The following ETFA variants were observed in gnomAD, a reference collection of about 807,000 sequenced individuals.
The protein encoded by ETFA is electron transfer flavoprotein subunit alpha, mitochondrial.
In ETFA, 22 loss-of-function variants were observed where a neutral mutation model predicts 46.2. That is an observed-to-expected ratio of 0.48 (90% confidence interval 0.34 to 0.68). ETFA has a LOEUF of 0.68. Among genes scored for constraint, ETFA ranks in the 30% least tolerant of loss-of-function variants. The pLI is 0.01. For synonymous variants in ETFA, 131 were observed against 139.9 expected, an observed-to-expected ratio of 0.94 and a Z score of 0.45; for missense variants, 345 against 401.1, an observed-to-expected ratio of 0.86 and a Z score of 1.19.
chr15:76,242,720 C>G (rs1393121050), intron 9 of ETFA, among the ~76,000 whole-genome samples: 4 of 152,066 alleles, frequency 2.6e-5, no homozygotes, highest in Non-Finnish European at 5.9e-5. Flanking sequence ...GAATTAAGTT[C>G]TGATACATGA....
intron 9 of ETFA, among the ~76,000 whole-genome samples, chr15:76,264,600 C>T (rs2039451714): frequency 6.6e-6 from 1 of 152,184 alleles, no homozygotes; most frequent in Non-Finnish European, 1.5e-5. Context: ...TAAAACAGCT[C>T]AGGATGTTAT....
In ETFA at chr15:76,292,645, T is replaced by G. The variant is rs972293793; in HGVS notation, c.242A>C (p.His81Pro). 2.5e-6 allele frequency: 4 copies of G among 1,613,892 alleles called. No individual in the cohort carries two copies. In the African/African-American group the frequency reaches 5.3e-5, roughly 22 times the overall value. ...TGGAAGTAGGCCTTTGTACACATCA[T>G]GCTGAGCCACCAGAACTTTTGCTAT... ...AGIAKVLVAQ[H>P]DVYKGLLPEE... The change falls in exon 3 of 12, where the codon CAT becomes CCT. Residue 81 changes from histidine to proline, a missense_variant. Transcript: ENST00000557943.
At chr15:76,259,521 G>A (rs781120988) in intron 9 of ETFA, 60 of 833,330 alleles carry the variant, frequency 7.2e-5, no homozygotes, top group Middle Eastern at 2.2e-4. Flanking sequence ...GCCAGCGTAT[G>A]GTGTCTGCCC....
In ETFA at chr15:76,216,840, C is replaced by CTTTTTTTTT. The variant is rs373144812; in HGVS notation, c.964-252_964-244dup. Among the ~76,000 whole-genome samples, 12 of 89,276 alleles carry CTTTTTTTTT rather than the reference C, an allele frequency of 1.3e-4. 2 individuals are homozygous for CTTTTTTTTT. The highest frequency in any genetic ancestry group is 2.3e-4 in the African/African-American group (5 of 21,382). The allele number at this position is 89,276 out of a possible 152,430, so 58.6% of individuals were successfully genotyped here. A position where few individuals can be genotyped will look rare whatever the true frequency, so the allele number is the denominator to read the frequency against. On this transcript the variant is annotated intron_variant, in intron 11 of 11. Transcript: ENST00000557943. ...CACTCATTGCCTAGGTGCCTTTTGC[C>CTTTTTTTTT]TTTTTTTTTTTTTTTTTTTTTTTGA...
In ETFA at chr15:76,292,668, T is replaced by C. The variant is rs928797006; in HGVS notation, c.219A>G (p.Ile73Met). The C allele has an allele frequency of 6.2e-7, 1 of 1,613,736 alleles. No individual in the cohort carries two copies. The highest frequency in any genetic ancestry group is 1.3e-5 in the African/African-American group (1 of 75,066). The change falls in exon 3 of 12, where the codon ATA becomes ATG. Residue 73 changes from isoleucine to methionine, a missense_variant. Ile to Met is a conservative substitution (Grantham distance 10, BLOSUM62 1). Transcript: ENST00000557943. Reference sequence around the variant, plus strand: ...CATGCTGAGCCACCAGAACTTTTGCTATGCCTGCTACTTTACAGAGATCTT... The same window carrying C: ...CATGCTGAGCCACCAGAACTTTTGCCATGCCTGCTACTTTACAGAGATCTT... ...VAQDLCKVAG[I>M]AKVLVAQHDV...
chr15:76,254,378 A>T (rs562259723), intron 9 of ETFA, among the ~76,000 whole-genome samples: 132 of 152,332 alleles, frequency 8.7e-4, no homozygotes, highest in Admixed American at 2.7e-3. Context: ...ACTGAACATA[A>T]GGAGATTGAG....
rs746488455 is a variant in ETFA at position 76,225,847 on chromosome 15, AC to A, written c.963+1del. On this transcript the variant is annotated splice_donor_variant, in intron 11 of 11. Transcript: ENST00000557943. LOFTEE classifies it high-confidence loss of function. The stretch of plus-strand genomic sequence containing the variant: ...TAGCAATTTCTCTCAAGGCCAGCTT[AC>A]CTTAAATAAATCTGCAACTATTCCA... 38 of 1,591,856 alleles carry A rather than the reference AC, an allele frequency of 2.4e-5. No individual in the cohort carries two copies. Among genetic ancestry groups the A allele is most frequent in the Non-Finnish European group, 3.0e-5 (35 of 1,159,854 alleles).
rs143116005 is a variant in ETFA at position 76,217,650 on chromosome 15, T to C, written c.964-1053A>G. On this transcript the variant is annotated intron_variant, in intron 11 of 11. Transcript: ENST00000557943. ...CAGTGTAGAGCTGCTTTGTGACTGC[T>C]TGGACAGAGGAGAGCTGTCCAAGGG... 514 of 454,456 alleles carry C rather than the reference T, an allele frequency of 1.1e-3. 1 individual carries two copies. The highest frequency in any genetic ancestry group is 9.4e-3 in the African/African-American group (467 of 49,814). 28.2% of individuals were successfully genotyped at this position (454,456 alleles called of 1,614,324 possible).
At chr15:76,262,982 G>A (rs576328431) in intron 9 of ETFA, among the ~76,000 whole-genome samples, 16 of 152,228 alleles carry the variant, frequency 1.1e-4, no homozygotes, top group East Asian at 3.9e-4. Flanking sequence ...GGACGGCCCC[G>A]GTAGGCACCA....
At chr15:76,258,474 C>G (rs1329980736) in intron 9 of ETFA, among the ~76,000 whole-genome samples, 1 of 152,198 alleles carries the variant, frequency 6.6e-6, no homozygotes, top group Admixed American at 6.5e-5. Flanking sequence ...GAGATACCCA[C>G]CCCTTACCAA....
chr15:76,298,454 C>T (rs1270981296), intron 1 of ETFA, among the ~76,000 whole-genome samples: 1 of 152,144 alleles, frequency 6.6e-6, no homozygotes, highest in Non-Finnish European at 1.5e-5. Flanking sequence ...AGAATGCCCC[C>T]CTACCCAACT....
chr15:76,228,824 G>A lies in ETFA; in HGVS notation c.882+2509C>T, dbSNP rs571495005. ...GGCTGGACTGCAGTGGCGCGATCTC[G>A]GCTCACTGCAGCCTCCGCCTCCTGG... On this transcript the variant is annotated intron_variant, in intron 10 of 11. Transcript: ENST00000557943. 184 of 151,722 alleles carry A rather than the reference G, an allele frequency of 1.2e-3. 5 individuals carry two copies. Among genetic ancestry groups the A allele is most frequent in the Non-Finnish European group, 1.3e-3 (91 of 71,502 alleles). The allele number at this position is 151,722 out of a possible 1,614,324, so 9.4% of individuals were successfully genotyped here.
chr15:76,284,631 C>T (rs1448116926), intron 7 of ETFA, among the ~76,000 whole-genome samples: 1 of 151,968 alleles, frequency 6.6e-6, no homozygotes, highest in Non-Finnish European at 1.5e-5. Context: ...GCTGGGACTA[C>T]TGGCATCCAC....
intron 1 of ETFA, among the ~76,000 whole-genome samples, chr15:76,303,698 T>A (rs1033351722): frequency 6.6e-5 from 10 of 152,122 alleles, no homozygotes; most frequent in Non-Finnish European, 1.2e-4. Context: ...TATAAAAAAA[T>A]GCTCAACATT....
At chr15:76,259,015 G>C in intron 9 of ETFA, 1 of 1,607,100 alleles carries the variant, frequency 6.2e-7, no homozygotes. Flanking sequence ...AGTAGCCCTT[G>C]CTGCAGCAGC....
intron 9 of ETFA, chr15:76,259,967 C>T: frequency 1.4e-6 from 2 of 1,434,074 alleles, no homozygotes; most frequent in South Asian, 2.3e-5. Flanking sequence ...ACAAGTTTGG[C>T]CACATGTGGA....
chr15:76,284,533 C>A, intron 7 of ETFA: 1 of 186,112 alleles, frequency 5.4e-6, no homozygotes, highest in Non-Finnish European at 1.1e-5. Flanking sequence ...TCTTGTTGCC[C>A]AGGCTGAAAT....
At chr15:76,250,744 C>G (rs2039290779) in intron 9 of ETFA, among the ~76,000 whole-genome samples, 1 of 151,560 alleles carries the variant, frequency 6.6e-6, no homozygotes, top group Non-Finnish European at 1.5e-5. Flanking sequence ...GCTATGTTGC[C>G]CAGCCTGGTC....
At chr15:76,223,648 AC>A (rs1286225078) in intron 11 of ETFA, among the ~76,000 whole-genome samples, 1 of 152,206 alleles carries the variant, frequency 6.6e-6, no homozygotes, top group South Asian at 2.1e-4. Context: ...TTCCTAAAAT[AC>A]CAAAAGGAGC....
Sources: gnomAD v4.1 joint callset for allele counts (sites outside exome capture counted in the v4.1 genomes callset) on GRCh38, gnomAD v4.1.1 for gene constraint, MANE v1.5 for transcripts, NCBI Gene and HGNC (gene_info 2026-07-23, HGNC 2026-07-21) for gene names.